The following CCN2 variants were observed in gnomAD, a reference collection of about 807,000 sequenced individuals.
The protein encoded by CCN2 is CCN family member 2.
CCN2 carries 22 observed loss-of-function variants against 33.2 expected under a neutral mutation model. That is an observed-to-expected ratio of 0.66 (90% CI 0.47 to 0.95). The LOEUF is 0.95. Among genes scored for constraint, CCN2 ranks in the 40% least tolerant of loss-of-function variants. The pLI is 0.00. For missense variants in CCN2, 469 were observed against 498.8 expected (o/e 0.94, Z 0.57); for synonymous variants, 178 against 200.6 (o/e 0.89, Z 0.95).
At position 131,950,565 on chromosome 6, in the gene CCN2, GA is replaced by G. The variant is rs1783090232; in HGVS notation, c.290-23del. Reference sequence around the variant, plus strand: ...TTGGCTGGAGAAGAGGAAGGGAAGAGAGGGGTGGGGGATGCAGAGGTCAGGC... The same window carrying G: ...TTGGCTGGAGAAGAGGAAGGGAAGAGGGGGTGGGGGATGCAGAGGTCAGGC... On this transcript the variant is annotated intron_variant, in intron 2 of 4. Transcript: ENST00000367976. The surrounding 1 kb of genome is among the most constrained non-coding windows in gnomAD (Gnocchi z 7.1). 1.2e-6 allele frequency: 2 copies of G among 1,608,988 alleles called. No individual in the cohort carries two copies. Among genetic ancestry groups the G allele is most frequent in the Admixed American group, 1.7e-5 (1 of 59,884 alleles).
intron 4 of CCN2, 37 bp from the exon 5 acceptor site, chr6:131,949,597 A>T (rs1242418488): frequency 6.6e-7 from 1 of 1,524,616 alleles, no homozygotes; most frequent in East Asian, 2.3e-5. Flanking sequence ...GGAAAAAAAA[A>T]AATCAGCGAC....
At position 131,950,887 on chromosome 6, in the gene CCN2, G is replaced by C. The variant is rs111779788; in HGVS notation, c.172C>G (p.Arg58Gly). ...SLVLDGCGCC[R>G]VCAKQLGELC... is the part of the protein sequence containing the mutation. ...TCGCCCAGCTGCTTGGCGCAGACGC[G>C]GCAGCAGCCGCAGCCGTCCAGCACG... Residue 58 changes from arginine (R) to glycine (G), a missense_variant, in exon 2 of 5, where the codon CGC becomes GGC. Coordinates refer to ENST00000367976, the MANE Select transcript of CCN2 (RefSeq NM_001901.4). The surrounding 1 kb of genome is among the most constrained non-coding windows in gnomAD (Gnocchi z 7.1). 4,373 of 1,529,712 alleles carry C rather than the reference G, an allele frequency of 2.9e-3. 18 individuals are homozygous for C. Among genetic ancestry groups the C allele is most frequent in the Middle Eastern group, 9.4e-3 (41 of 4,356 alleles). The allele number at this position is 1,529,712 out of a possible 1,614,324, so 94.8% of individuals were successfully genotyped here.
At position 131,950,651 on chromosome 6, in the gene CCN2, G is replaced by C; in HGVS notation, c.290-108C>G. 2 of 1,523,090 alleles carry C rather than the reference G, an allele frequency of 1.3e-6. No individual in the cohort carries two copies. The highest frequency in any genetic ancestry group is 1.8e-6 in the Non-Finnish European group (2 of 1,123,246). 94.3% of individuals were successfully genotyped at this position (1,523,090 alleles called of 1,614,324 possible). Reference sequence around the variant, plus strand: ...GCGAGTTGGGATCTGGGCTGCAGGGGGCGGGCTGGCAGCAGCTGGAGAAAG... The same window carrying C: ...GCGAGTTGGGATCTGGGCTGCAGGGCGCGGGCTGGCAGCAGCTGGAGAAAG... On this transcript the variant is annotated intron_variant, in intron 2 of 4. Coordinates refer to ENST00000367976, the MANE Select transcript of CCN2 (RefSeq NM_001901.4). The surrounding 1 kb of genome is among the most constrained non-coding windows in gnomAD (Gnocchi z 7.1).
In CCN2 at chr6:131,950,178, A is replaced by ACAAACAC. The variant is rs1446086898; in HGVS notation, c.542-25_542-19dup. 6.2e-7 allele frequency: 1 copy of ACAAACAC among 1,613,960 alleles called. No homozygotes were observed. Among genetic ancestry groups the ACAAACAC allele is most frequent in the African/African-American group, 1.3e-5 (1 of 74,930 alleles). On this transcript the variant is annotated intron_variant, in intron 3 of 4. Transcript: ENST00000367976. The surrounding 1 kb of genome is among the most constrained non-coding windows in gnomAD (Gnocchi z 7.1). ...TCGGTAAGCTGCGAGAGCAGAGCAC[A>ACAAACAC]CAAACACCATGTAAAACGCCTGGAT... is the stretch of plus-strand genomic sequence containing the variant.
In CCN2 at chr6:131,950,311, C is replaced by T. The variant is rs1585880926; in HGVS notation, c.522G>A (p.Val174=). The T allele has an allele frequency of 6.8e-6, 11 of 1,613,892 alleles. No homozygotes were observed. Among genetic ancestry groups the T allele is most frequent in the Non-Finnish European group, 8.5e-6 (10 of 1,179,842 alleles). Residue 174 remains valine (V), a synonymous_variant, in exon 3 of 5, where the codon GTG becomes GTA. Coordinates refer to ENST00000367976, the MANE Select transcript of CCN2 (RefSeq NM_001901.4). This position sits in a 1 kb window ranked among gnomAD's most constrained non-coding sequence, Gnocchi z 7.1. ...ACTCACCCGCGAGGGCAGGCCCAAC[C>T]ACGGTTTGGTCCTTGGGCTCGTCAC... is the stretch of plus-strand genomic sequence containing the variant. ...WVCDEPKDQT[V]VGPALAAYRL... is the part of the protein sequence containing the mutation.
Position 131,949,230 on chromosome 6 carries a change from A to C in CCN2, c.*34T>G, listed in dbSNP as rs1783062393. ...TGAGATGTGAATCAGTTCAAGTTCC[A>C]GTCTAATGAGTTAATGTCTCTCACT... On this transcript the variant is annotated 3_prime_UTR_variant, in exon 5 of 5. Transcript: ENST00000367976. 6.4e-7 allele frequency: 1 copy of C among 1,565,188 alleles called. No homozygotes were observed. The highest frequency in any genetic ancestry group is 8.8e-7 in the Non-Finnish European group (1 of 1,137,318).
In CCN2 at chr6:131,948,836, A is replaced by C. The variant is rs973271305; in HGVS notation, c.*428T>G. The C allele has an allele frequency of 5.1e-6, 1 of 197,378 alleles. No homozygotes were observed. The highest frequency in any genetic ancestry group is 1.1e-5 in the Non-Finnish European group (1 of 93,686). The allele number at this position is 197,378 out of a possible 1,614,324, so 12.2% of individuals were successfully genotyped here. A position where few individuals can be genotyped will look rare whatever the true frequency, so the allele number is the denominator to read the frequency against. ...AGGAACAACTTGACTCAGTCTCTTG[A>C]TGGCTGGAGAATGCACATCCTAGCT... is the stretch of plus-strand genomic sequence containing the variant. On this transcript the variant is annotated 3_prime_UTR_variant, in exon 5 of 5. Coordinates refer to ENST00000367976, the MANE Select transcript of CCN2 (RefSeq NM_001901.4).
In CCN2 at chr6:131,949,567, A is replaced by G. The variant is rs1771157442; in HGVS notation, c.754-7T>C. 1.4e-6 allele frequency: 2 copies of G among 1,453,472 alleles called. No homozygotes were observed. The highest frequency in any genetic ancestry group is 3.6e-5 in the Admixed American group (2 of 55,458). The allele number at this position is 1,453,472 out of a possible 1,614,324, so 90.0% of individuals were successfully genotyped here. ...GGATGCACTTTTTGCCCTTCTAAGG[A>G]AGACAAGGGAAAAGAGAGAGGAAAA... On this transcript the variant is annotated splice_region_variant and splice_polypyrimidine_tract_variant and intron_variant, in intron 4 of 4. Coordinates refer to ENST00000367976, the MANE Select transcript of CCN2 (RefSeq NM_001901.4).
rs1338513702 is a variant in CCN2, at chr6:131,949,449, C to T, written c.865G>A (p.Asp289Asn). 3 of 1,614,128 alleles carry T rather than the reference C, an allele frequency of 1.9e-6. No individual in the cohort carries two copies. Among genetic ancestry groups the T allele is most frequent in the Non-Finnish European group, 2.5e-6 (3 of 1,180,024 alleles). The change falls in exon 5 of 5, where the codon GAC becomes AAC. Residue 289 changes from aspartate (D) to asparagine (N), a missense_variant. Physicochemically the swap from Asp to Asn is conservative, Grantham distance 23 (BLOSUM62 1). Coordinates refer to ENST00000367976, the MANE Select transcript of CCN2 (RefSeq NM_001901.4). ...CTGTGGGGGGTGCAGCATCGGCCGT[C>T]GGTACATACTCCACAGAATTTAGCT... ...YRAKFCGVCT[D>N]GRCCTPHRTT...
rs1210373203 is a variant in CCN2 at position 131,949,963 on chromosome 6, C to G, written c.739G>C (p.Glu247Gln). The G allele has an allele frequency of 1.9e-6, 3 of 1,614,174 alleles. No individual in the cohort carries two copies. Among genetic ancestry groups the G allele is most frequent in the South Asian group, 2.2e-5 (2 of 91,074 alleles). Residue 247 changes from glutamate (E) to glutamine (Q), a missense_variant, in exon 4 of 5, where the codon GAA becomes CAA. Physicochemically the swap from Glu to Gln is conservative, Grantham distance 29. Coordinates refer to ENST00000367976, the MANE Select transcript of CCN2 (RefSeq NM_001901.4). ...AGAACATGTACCTTAATGTTCTCTT[C>G]CAGGTCAGCTTCGCAAGGCCTGACC... ...CMVRPCEADLEENIKKGKKCI... is the reference protein window; with the variant it reads ...CMVRPCEADLQENIKKGKKCI...
rs1356462790 is a variant in CCN2, at chr6:131,950,902, C to A, written c.157G>T (p.Gly53Cys). The change falls in exon 2 of 5, where the codon GGC (glycine) becomes TGC (cysteine). Residue 53 changes from glycine (G) to cysteine (C), a missense_variant. By Grantham distance (159) the Gly-to-Cys change is radical. Coordinates refer to ENST00000367976, the MANE Select transcript of CCN2 (RefSeq NM_001901.4). The surrounding 1 kb of genome is among the most constrained non-coding windows in gnomAD (Gnocchi z 7.1). ...GCGCAGACGCGGCAGCAGCCGCAGC[C>A]GTCCAGCACGAGGCTCACGCCCGCC... ...CPAGVSLVLD[G>C]CGCCRVCAKQ... is the part of the protein sequence containing the mutation. 4.6e-6 allele frequency: 7 copies of A among 1,519,384 alleles called. No individual in the cohort carries two copies. Among genetic ancestry groups the A allele is most frequent in the African/African-American group, 1.4e-5 (1 of 71,244 alleles). 94.1% of individuals were successfully genotyped at this position (1,519,384 alleles called of 1,614,324 possible).
rs756243018 is a variant in CCN2, at chr6:131,949,314, C to A, written c.1000G>T (p.Asp334Tyr). The A allele has an allele frequency of 1.9e-6, 3 of 1,614,200 alleles. No individual in the cohort carries two copies. Among genetic ancestry groups the A allele is most frequent in the Non-Finnish European group, 1.7e-6 (2 of 1,180,036 alleles). Reference protein sequence around the residue: ...ACHYNCPGDNDIFESLYYRKM... With the variant: ...ACHYNCPGDNYIFESLYYRKM... ...CTGTAGTACAGCGATTCAAAGATGT[C>A]ATTGTCTCCGGGACAGTTGTAATGG... Residue 334 changes from aspartate (D) to tyrosine (Y), a missense_variant, in exon 5 of 5, where the codon GAC (aspartate) becomes TAC (tyrosine). Physicochemically the swap from Asp to Tyr is radical, Grantham distance 160. Coordinates refer to ENST00000367976, the MANE Select transcript of CCN2 (RefSeq NM_001901.4).
At position 131,950,990 on chromosome 6, in the gene CCN2, C is replaced by A. The variant is rs548588117; in HGVS notation, c.69G>T (p.Pro23=). 205 of 1,314,240 alleles carry A rather than the reference C, an allele frequency of 1.6e-4. No homozygotes were observed. The African/African-American group carries it at 3.0e-3, about 19-fold the overall frequency. 81.4% of individuals were successfully genotyped at this position (1,314,240 alleles called of 1,614,324 possible). The change falls in exon 2 of 5, where the codon CCG becomes CCT. Residue 23 remains proline (P), a splice_region_variant and synonymous_variant. Coordinates refer to ENST00000367976, the MANE Select transcript of CCN2 (RefSeq NM_001901.4). The surrounding 1 kb of genome is among the most constrained non-coding windows in gnomAD (Gnocchi z 7.1). The stretch of plus-strand genomic sequence containing the variant: ...GCCCGCTGCAGTTCTGGCCGACGGC[C>A]GGCTGCAGGGAGGACAGGGCGGTCA... The part of the protein sequence containing the change: ...FVVLLALCSR[P]AVGQNCSGPC...
Position 131,949,103 on chromosome 6 carries a change from T to C in CCN2, c.*161A>G. ...GTGTCTGGGGTTGATAGACTATTTG[T>C]TTGACATGGCACAATGTTTTGAATT... is the stretch of plus-strand genomic sequence containing the variant. On this transcript the variant is annotated 3_prime_UTR_variant, in exon 5 of 5. Transcript: ENST00000367976. 3.0e-6 allele frequency: 2 copies of C among 667,456 alleles called. No homozygotes were observed. The highest frequency in any genetic ancestry group is 5.1e-6 in the Non-Finnish European group (2 of 390,678). The allele number at this position is 667,456 out of a possible 1,614,324, so 41.3% of individuals were successfully genotyped here.
At position 131,949,392 on chromosome 6, in the gene CCN2, G is replaced by T. The variant is rs756191688; in HGVS notation, c.922C>A (p.Pro308Thr). 2 of 1,614,166 alleles carry T rather than the reference G, an allele frequency of 1.2e-6. No individual in the cohort carries two copies. The highest frequency in any genetic ancestry group is 2.2e-5 in the South Asian group (2 of 91,082). Residue 308 changes from proline to threonine, a missense_variant, in exon 5 of 5, where the codon CCT becomes ACT. Physicochemically the swap from Pro to Thr is conservative, Grantham distance 38 (BLOSUM62 -1). Coordinates refer to ENST00000367976, the MANE Select transcript of CCN2 (RefSeq NM_001901.4). Reference protein sequence around the residue: ...TTTLPVEFKCPDGEVMKKNMM... With the variant: ...TTTLPVEFKCTDGEVMKKNMM... ...TTCTTCTTCATGACCTCGCCGTCAG[G>T]GCACTTGAACTCCACCGGCAGGGTG...
chr6:131,951,018 G>A (rs966966564), intron 1 of CCN2, 26 bp from the exon 2 acceptor site: 47 of 1,259,202 alleles, frequency 3.7e-5, no homozygotes, highest in Non-Finnish European at 4.5e-5. Flanking sequence ...GGCGGTCAGC[G>A]GCGCTCGGTC....
At chr6:131,949,864 A>G (rs941224567) in intron 4 of CCN2, 85 bp downstream of exon 4, 25 of 1,318,912 alleles carry the variant, frequency 1.9e-5, no homozygotes, top group Non-Finnish European at 2.6e-5. Flanking sequence ...ACGGGCTTAT[A>G]CTAACAAGCG....
rs1171937033 is a variant in CCN2, at chr6:131,950,322, C to G, written c.511G>C (p.Asp171His). The change falls in exon 3 of 5, where the codon GAC becomes CAC. Residue 171 changes from aspartate (D) to histidine (H), a missense_variant. By Grantham distance (81) the Asp-to-His change is moderately conservative. Transcript: ENST00000367976. The surrounding 1 kb of genome is among the most constrained non-coding windows in gnomAD (Gnocchi z 7.1). ...CEEWVCDEPK[D>H]QTVVGPALAA... The stretch of plus-strand genomic sequence containing the variant: ...AGGGCAGGCCCAACCACGGTTTGGT[C>G]CTTGGGCTCGTCACACACCCACTCC... The G allele has an allele frequency of 1.2e-6, 2 of 1,614,112 alleles. No individual in the cohort carries two copies. Among genetic ancestry groups the G allele is most frequent in the Admixed American group, 1.7e-5 (1 of 60,028 alleles).
rs565623911 is a variant in CCN2, at chr6:131,949,207, A to G, written c.*57T>C. On this transcript the variant is annotated 3_prime_UTR_variant, in exon 5 of 5. Transcript: ENST00000367976. Reference sequence around the variant, plus strand: ...CTGAAATCATTTTTACGGAAAAATGAGATGTGAATCAGTTCAAGTTCCAGT... The same window carrying G: ...CTGAAATCATTTTTACGGAAAAATGGGATGTGAATCAGTTCAAGTTCCAGT... 2.1e-6 allele frequency: 3 copies of G among 1,438,340 alleles called. No individual in the cohort carries two copies. The highest frequency in any genetic ancestry group is 4.6e-5 in the East Asian group (2 of 43,562). 89.1% of individuals were successfully genotyped at this position (1,438,340 alleles called of 1,614,324 possible). A position where few individuals can be genotyped will look rare whatever the true frequency, so the allele number is the denominator to read the frequency against.
Sources: gnomAD v4.1 joint callset for allele counts on GRCh38, gnomAD v4.1.1 for gene constraint, Gnocchi (gnomAD v3.1) non-coding constraint, MANE v1.5 for transcripts, NCBI Gene and HGNC (gene_info 2026-07-23, HGNC 2026-07-21) for gene names.